The following GSTCD variants were observed in gnomAD, a reference collection of about 807,000 sequenced individuals.
The protein encoded by GSTCD is glutathione S-transferase C-terminal domain-containing protein.
GSTCD carries 44 observed loss-of-function variants against 68.3 expected under a neutral mutation model. That is an observed-to-expected ratio of 0.64 (90% CI 0.51 to 0.83). The LOEUF is 0.83. GSTCD is among the 40% of genes least tolerant of loss of function. GSTCD has a pLI of 0.00. For synonymous variants in GSTCD, 273 were observed against 255.2 expected (o/e 1.07, Z -0.67); for missense variants, 739 against 735.9 (o/e 1.00, Z -0.05).
At chr4:105,788,990 G>A (rs1175579697) in intron 5 of GSTCD, among the ~76,000 whole-genome samples, 1 of 152,052 alleles carries the variant, frequency 6.6e-6, no homozygotes, top group Non-Finnish European at 1.5e-5. Context: ...TTGCAGTGCT[G>A]CTAATAGAGA....
At chr4:105,839,700 G>GAAAGA (rs1724261216) in intron 10 of GSTCD, among the ~76,000 whole-genome samples, 1 of 151,954 alleles carries the variant, frequency 6.6e-6, no homozygotes, top group East Asian at 1.9e-4. Context: ...AAAGGAAAAG[G>GAAAGA]AAAGAAAAGA....
At chr4:105,816,966 A>G (rs1723021808) in intron 5 of GSTCD, among the ~76,000 whole-genome samples, 2 of 151,988 alleles carry the variant, frequency 1.3e-5, no homozygotes, top group South Asian at 4.1e-4. Flanking sequence ...GGTGTATCAA[A>G]TATGCAAGTG....
At position 105,822,010 on chromosome 4, in the gene GSTCD, G is replaced by A. The variant is rs147190501; in HGVS notation, c.1241-944G>A. ...CATTTTTCTGGGAAAAAGGAGCAAG[G>A]AAACCTTAGTATGTTTAATTTTTTA... On this transcript the variant is annotated intron_variant, in intron 5 of 11. Coordinates refer to ENST00000515279, the MANE Select transcript of GSTCD (RefSeq NM_001370181.1). 9.4e-3 allele frequency among the ~76,000 whole-genome samples: 1,435 copies of A among 151,914 alleles called. 5 individuals carry two copies. Among genetic ancestry groups the A allele is most frequent in the Non-Finnish European group, 0.015 (999 of 67,822 alleles).
At chr4:105,819,894 C>A (rs1234092967) in intron 5 of GSTCD, among the ~76,000 whole-genome samples, 1 of 150,820 alleles carries the variant, frequency 6.6e-6, no homozygotes, top group Non-Finnish European at 1.5e-5. Flanking sequence ...AAAAAAAACA[C>A]ACAGAATACT....
chr4:105,758,930 C>G (rs981130178), intron 5 of GSTCD, among the ~76,000 whole-genome samples: 1 of 152,038 alleles, frequency 6.6e-6, no homozygotes, highest in Non-Finnish European at 1.5e-5. Context: ...TAGATATTTG[C>G]AGGTATTTGG....
chr4:105,740,651 A>T (rs1265809596), intron 5 of GSTCD, among the ~76,000 whole-genome samples: 1 of 152,166 alleles, frequency 6.6e-6, no homozygotes, highest in East Asian at 1.9e-4. Flanking sequence ...TAAACAGACA[A>T]GTTACCTTTT....
Position 105,845,718 on chromosome 4 carries a change from A to C in GSTCD, c.*141A>C. 1.2e-6 allele frequency: 1 copy of C among 807,614 alleles called. No homozygotes were observed. The highest frequency in any genetic ancestry group is 2.0e-6 in the Non-Finnish European group (1 of 512,040). The allele number at this position is 807,614 out of a possible 1,614,324, so 50.0% of individuals were successfully genotyped here. A position where few individuals can be genotyped will look rare whatever the true frequency, so the allele number is the denominator to read the frequency against. On this transcript the variant is annotated 3_prime_UTR_variant, in exon 12 of 12. Coordinates refer to ENST00000515279, the MANE Select transcript of GSTCD (RefSeq NM_001370181.1). ...GCTCAGGAAGGAAAGCAACAGGGAA[A>C]TCTTGGAAGTAAAGGCTCCCTGCAA...
chr4:105,712,986 C>T (rs1732582595), intron 1 of GSTCD, among the ~76,000 whole-genome samples: 1 of 152,088 alleles, frequency 6.6e-6, no homozygotes, highest in Admixed American at 6.5e-5. Context: ...TCACCCAGAA[C>T]AGTGCTGTCA....
intron 5 of GSTCD, among the ~76,000 whole-genome samples, chr4:105,747,201 A>T (rs7676226): frequency 1.3e-5 from 2 of 152,260 alleles, no homozygotes. Flanking sequence ...GGTCTGATCC[A>T]CAATGTCAGT....
intron 5 of GSTCD, among the ~76,000 whole-genome samples, chr4:105,813,257 G>A (rs1722827141): frequency 6.6e-6 from 1 of 152,226 alleles, no homozygotes; most frequent in Non-Finnish European, 1.5e-5. Context: ...GCTAATACCA[G>A]CAAATAAGAA....
chr4:105,815,799 A>G (rs1722953861), intron 5 of GSTCD, among the ~76,000 whole-genome samples: 1 of 152,196 alleles, frequency 6.6e-6, no homozygotes. Flanking sequence ...ACTATTTTCT[A>G]CAGTTAGCCT....
At chr4:105,760,034 C>T (rs983612988) in intron 5 of GSTCD, among the ~76,000 whole-genome samples, 1 of 151,892 alleles carries the variant, frequency 6.6e-6, no homozygotes, top group African/African-American at 2.4e-5. Context: ...AGTGCAAAGA[C>T]AGGAAACCTA....
intron 8 of GSTCD, among the ~76,000 whole-genome samples, chr4:105,832,256 G>GTT (rs567688553): frequency 1.3e-5 from 2 of 150,294 alleles, no homozygotes; most frequent in African/African-American, 4.9e-5. Context: ...ATATCCAATG[G>GTT]TTTTTTTTTG....
intron 10 of GSTCD, 105 bp from the exon 11 acceptor site, chr4:105,841,960 C>A: frequency 1.3e-6 from 1 of 769,438 alleles, no homozygotes. Context: ...TTCAGTTAAA[C>A]AATGTTGAAC....
At chr4:105,814,172 A>T (rs1470755798) in intron 5 of GSTCD, among the ~76,000 whole-genome samples, 1 of 152,202 alleles carries the variant, frequency 6.6e-6, no homozygotes, top group Non-Finnish European at 1.5e-5. Context: ...GTATAGTTTG[A>T]GTATAGTCTT....
At chr4:105,730,767 T>C (rs1733208795) in intron 5 of GSTCD, among the ~76,000 whole-genome samples, 1 of 152,238 alleles carries the variant, frequency 6.6e-6, no homozygotes, top group African/African-American at 2.4e-5. Context: ...TTTGTCAATT[T>C]TGGCTTTTGT....
intron 5 of GSTCD, among the ~76,000 whole-genome samples, chr4:105,815,769 G>T (rs1170961360): frequency 6.6e-6 from 1 of 151,994 alleles, no homozygotes; most frequent in East Asian, 1.9e-4. Context: ...TGAAAAAGAG[G>T]GAAAAGAAGT....
rs1259296558 is a variant in GSTCD, at chr4:105,717,789, ATAGT to A, written c.178_181del (p.Ser60HisfsTer3). ...GTTGTCACCAAAGAGGTGAGTAGAG[ATAGT>A]TCACTACTAAGAGATGACCTGATCC... On this transcript the variant is annotated frameshift_variant, in exon 2 of 12. Transcript: ENST00000515279. LOFTEE classifies it high-confidence loss of function. The A allele has an allele frequency of 1.2e-6, 2 of 1,613,896 alleles. No homozygotes were observed. Among genetic ancestry groups the A allele is most frequent in the African/African-American group, 2.7e-5 (2 of 74,922 alleles).
At chr4:105,731,926 C>T (rs1306880086) in intron 5 of GSTCD, among the ~76,000 whole-genome samples, 5 of 152,122 alleles carry the variant, frequency 3.3e-5, no homozygotes, top group Admixed American at 3.3e-4. Context: ...TTGCCAAAGG[C>T]CTTTTCTGCA....
Sources: allele counts gnomAD v4.1 joint callset (sites outside exome capture counted in the v4.1 genomes callset), GRCh38; gene constraint gnomAD v4.1.1; transcripts MANE v1.5; gene names NCBI Gene and HGNC (gene_info 2026-07-23, HGNC 2026-07-21).